Variants in PTPRD observed in about 807,000 individuals in gnomAD.
PTPRD encodes protein tyrosine phosphatase receptor type D.
A neutral mutation model predicts 214.5 loss-of-function variants in PTPRD; 34 were observed. That is an observed-to-expected ratio of 0.16 (90% CI 0.12 to 0.21). PTPRD has a LOEUF of 0.21. PTPRD is among the 10% of genes least tolerant of loss of function. The pLI is 1.00. For missense variants in PTPRD, 2,545 were observed against 2,398.7 expected (o/e 1.06, Z -1.27); for synonymous variants, 1,128 against 845.7 (o/e 1.33, Z -5.79).
At chr9:9,756,562 T>C (rs1402406028) in intron 6 of PTPRD, among the ~76,000 whole-genome samples, 2 of 151,994 alleles carry the variant, frequency 1.3e-5, no homozygotes, top group South Asian at 2.1e-4. Context: ...GTGGAGCAGA[T>C]AGGGGGTGGG....
At chr9:9,464,377 T>G (rs1470676430) in intron 8 of PTPRD, among the ~76,000 whole-genome samples, 1 of 152,204 alleles carries the variant, frequency 6.6e-6, no homozygotes, top group East Asian at 1.9e-4. Flanking sequence ...ATTCTCTTAC[T>G]ACTTATTTTT....
chr9:8,680,428 G>A (rs779662587), intron 12 of PTPRD, among the ~76,000 whole-genome samples: 2 of 152,116 alleles, frequency 1.3e-5, no homozygotes, highest in East Asian at 1.9e-4. Flanking sequence ...GTCTTCTCTC[G>A]TGTTGAATCT....
intron 5 of PTPRD, among the ~76,000 whole-genome samples, chr9:9,870,948 G>C (rs2065256052): frequency 6.6e-6 from 1 of 152,012 alleles, no homozygotes; most frequent in South Asian, 2.1e-4. Flanking sequence ...GAGTTGGAGA[G>C]AGAAATAAAA....
intron 10 of PTPRD, among the ~76,000 whole-genome samples, chr9:9,152,706 G>T (rs1268847602): frequency 1.3e-5 from 2 of 152,150 alleles, no homozygotes; most frequent in Non-Finnish European, 2.9e-5. Context: ...GATCTCATTT[G>T]TCACCCAGTG....
chr9:9,578,152 G>T (rs1340602113), intron 7 of PTPRD, among the ~76,000 whole-genome samples: 2 of 151,240 alleles, frequency 1.3e-5, no homozygotes, highest in Non-Finnish European at 2.9e-5. Flanking sequence ...AAGCCAAGCA[G>T]GCAAACCACA....
intron 11 of PTPRD, among the ~76,000 whole-genome samples, chr9:8,821,956 C>A (rs1210978694): frequency 1.3e-5 from 2 of 152,216 alleles, no homozygotes; most frequent in African/African-American, 4.8e-5. Flanking sequence ...AGCCACCCAT[C>A]TGGCCTGAAA....
chr9:8,838,563 T>TAAAA (rs145343455), intron 11 of PTPRD, among the ~76,000 whole-genome samples: 122 of 151,796 alleles, frequency 8.0e-4, no homozygotes, highest in African/African-American at 2.5e-3. Flanking sequence ...AACTGAAAAA[T>TAAAA]AAAAGAGAGA....
chr9:9,172,332 T>A (rs2099921973), intron 10 of PTPRD, among the ~76,000 whole-genome samples: 1 of 152,114 alleles, frequency 6.6e-6, no homozygotes, highest in African/African-American at 2.4e-5. Flanking sequence ...AGTAATAAAG[T>A]CAACAATGAC....
chr9:8,704,993 T>C (rs565942810), intron 12 of PTPRD, among the ~76,000 whole-genome samples: 75 of 152,180 alleles, frequency 4.9e-4, no homozygotes, highest in African/African-American at 1.7e-3. Flanking sequence ...TCTCCCTCTA[T>C]TGTCCACAAG....
At chr9:8,399,850 T>A (rs1289916592) in intron 36 of PTPRD, among the ~76,000 whole-genome samples, 1 of 152,168 alleles carries the variant, frequency 6.6e-6, no homozygotes, top group Non-Finnish European at 1.5e-5. Flanking sequence ...CATATATTAG[T>A]ATTTTGAATT....
intron 8 of PTPRD, among the ~76,000 whole-genome samples, chr9:9,461,091 T>A (rs1424599748): frequency 6.6e-6 from 1 of 151,970 alleles, no homozygotes; most frequent in Non-Finnish European, 1.5e-5. Flanking sequence ...ACACTATATA[T>A]TCTCACTTAT....
At chr9:9,359,087 T>C (rs2054983484) in intron 9 of PTPRD, among the ~76,000 whole-genome samples, 1 of 151,374 alleles carries the variant, frequency 6.6e-6, no homozygotes, top group African/African-American at 2.4e-5. Context: ...AAACTGTGAA[T>C]ACTGGTTGTC....
At chr9:9,268,970 C>A (rs954158477) in intron 9 of PTPRD, among the ~76,000 whole-genome samples, 1 of 149,058 alleles carries the variant, frequency 6.7e-6, no homozygotes. Flanking sequence ...GGAAATGACC[C>A]GAAAAGCACA....
intron 2 of PTPRD, among the ~76,000 whole-genome samples, chr9:10,360,697 C>T (rs1467509026): frequency 6.6e-6 from 1 of 152,160 alleles, no homozygotes; most frequent in Non-Finnish European, 1.5e-5. Flanking sequence ...CTTTATTTAG[C>T]ACGGTTTTTA....
At chr9:8,801,752 G>C (rs1036690506) in intron 11 of PTPRD, among the ~76,000 whole-genome samples, 1 of 152,104 alleles carries the variant, frequency 6.6e-6, no homozygotes, top group Non-Finnish European at 1.5e-5. Context: ...TTTTAAAAGT[G>C]TACAGGAGTG....
intron 2 of PTPRD, among the ~76,000 whole-genome samples, chr9:10,499,795 A>C (rs2043121118): frequency 6.6e-6 from 1 of 151,768 alleles, no homozygotes; most frequent in South Asian, 2.1e-4. Context: ...CTATCCAAAA[A>C]CTTTTTCATA....
chr9:9,674,065 T>C lies in PTPRD; in HGVS notation c.-287+60468A>G, dbSNP rs183640314. ...AAGAGAGAAAATAATACAAGAAAGA[T>C]AGTCTGAACTACAAATAAGCAAAAT... On this transcript the variant is annotated intron_variant, in intron 7 of 45. Transcript: ENST00000381196. 4.0e-4 allele frequency among the ~76,000 whole-genome samples: 61 copies of C among 151,982 alleles called. No homozygotes were observed. The East Asian group carries it at 6.0e-3, about 15-fold the overall frequency.
chr9:9,887,204 T>C lies in PTPRD; in HGVS notation c.-368+51303A>G, dbSNP rs558282417. On this transcript the variant is annotated intron_variant, in intron 5 of 45. Transcript: ENST00000381196. ...ATTAGAAAGCCTTCTGTCAATATCA[T>C]AGCAGAATTGTTTGTTCACTTCACC... Among the ~76,000 whole-genome samples the C allele has an allele frequency of 9.2e-5, 14 of 152,274 alleles. No individual in the cohort carries two copies. In the South Asian group the frequency reaches 1.4e-3, roughly 16 times the overall value.
chr9:8,451,918 C>T (rs2095971115), intron 33 of PTPRD: 1 of 495,268 alleles, frequency 2.0e-6, no homozygotes. Flanking sequence ...GGGTAACCTC[C>T]TTATCTTCTT....
Sources: allele counts gnomAD v4.1 joint callset (sites outside exome capture counted in the v4.1 genomes callset), GRCh38; gene constraint gnomAD v4.1.1; transcripts MANE v1.5; gene names NCBI Gene and HGNC (gene_info 2026-07-23, HGNC 2026-07-21).